RALGAPA1: variants seen among roughly 807,000 people sequenced by gnomAD.
The protein encoded by RALGAPA1 is Ral GTPase activating protein catalytic subunit alpha 1.
A neutral mutation model predicts 269.6 loss-of-function variants in RALGAPA1; 52 were observed. That is an observed-to-expected ratio of 0.19 (90% CI 0.15 to 0.24). The LOEUF is 0.24. RALGAPA1 is among the 10% of genes least tolerant of loss of function. The probability of loss-of-function intolerance (pLI) is 1.00; values close to 1 mark genes in which losing one functional copy is unlikely to be tolerated. For missense variants in RALGAPA1, 1,917 were observed against 3,013.9 expected, an observed-to-expected ratio of 0.64 and a Z score of 8.52; for synonymous variants, 817 against 1,008.3, an observed-to-expected ratio of 0.81 and a Z score of 3.60.
At chr14:35,600,271 C>A (rs1239594708) in intron 36 of RALGAPA1, among the ~76,000 whole-genome samples, 13 of 127,476 alleles carry the variant, frequency 1.0e-4, no homozygotes, top group African/African-American at 4.0e-4. Context: ...TGCTCTATCA[C>A]CCAGGCTGGA....
chr14:35,567,651 GA>G (rs906666899), intron 39 of RALGAPA1, among the ~76,000 whole-genome samples: 3 of 151,168 alleles, frequency 2.0e-5, no homozygotes, highest in African/African-American at 4.9e-5. Context: ...CAGGGATGTA[GA>G]AAAAAAAATT....
intron 41 of RALGAPA1, among the ~76,000 whole-genome samples, chr14:35,545,116 C>G (rs1177214965): frequency 6.6e-6 from 1 of 152,060 alleles, no homozygotes; most frequent in Non-Finnish European, 1.5e-5. Flanking sequence ...CTTCTGTTGG[C>G]ACTTACTAAT....
intron 11 of RALGAPA1, among the ~76,000 whole-genome samples, chr14:35,741,521 T>C (rs2071553804): frequency 6.6e-6 from 1 of 152,096 alleles, no homozygotes; most frequent in African/African-American, 2.4e-5. Context: ...AGAACTGGCC[T>C]ATTCATCCAC....
intron 1 of RALGAPA1, among the ~76,000 whole-genome samples, chr14:35,790,415 C>T (rs538094884): frequency 6.6e-6 from 1 of 152,044 alleles, no homozygotes; most frequent in African/African-American, 2.4e-5. Flanking sequence ...AGGCCAAGCG[C>T]GGTAGCTCAG....
At chr14:35,667,910 C>A (rs2064081441) in intron 26 of RALGAPA1, among the ~76,000 whole-genome samples, 1 of 152,170 alleles carries the variant, frequency 6.6e-6, no homozygotes, top group African/African-American at 2.4e-5. Flanking sequence ...AACCTACATG[C>A]CCATCAACAA....
intron 37 of RALGAPA1, among the ~76,000 whole-genome samples, chr14:35,582,608 G>T (rs1021998164): frequency 6.6e-6 from 1 of 152,132 alleles, no homozygotes; most frequent in African/African-American, 2.4e-5. Context: ...AACTCCAGGA[G>T]AAACCAGTCT....
At chr14:35,558,547 G>A (rs1245830924) in intron 39 of RALGAPA1, among the ~76,000 whole-genome samples, 5 of 152,116 alleles carry the variant, frequency 3.3e-5, no homozygotes, top group African/African-American at 1.2e-4. Context: ...TGTTAATAAG[G>A]AATTACTACA....
At chr14:35,807,292 C>A (rs745540686) in intron 1 of RALGAPA1, among the ~76,000 whole-genome samples, 13 of 152,170 alleles carry the variant, frequency 8.5e-5, no homozygotes, top group Non-Finnish European at 1.5e-4. Context: ...TCGGCTAAAT[C>A]TTTATTTCAA....
chr14:35,805,552 G>T (rs1439306989), intron 1 of RALGAPA1, among the ~76,000 whole-genome samples: 3 of 151,772 alleles, frequency 2.0e-5, no homozygotes, highest in Non-Finnish European at 4.4e-5. Context: ...ACTAATCTAG[G>T]GTGACAGCAG....
At chr14:35,541,948 G>A in intron 41 of RALGAPA1, 1 of 960,352 alleles carries the variant, frequency 1.0e-6, no homozygotes. Context: ...TTTTTATTAT[G>A]AAATATAATT....
chr14:35,557,875 A>G (rs1422501674), intron 39 of RALGAPA1, among the ~76,000 whole-genome samples: 1 of 152,218 alleles, frequency 6.6e-6, no homozygotes, highest in Non-Finnish European at 1.5e-5. Context: ...TGCTGCATAA[A>G]TTATAATACT....
intron 6 of RALGAPA1, among the ~76,000 whole-genome samples, chr14:35,759,108 G>A (rs375148903): frequency 5.9e-5 from 9 of 152,128 alleles, no homozygotes; most frequent in South Asian, 2.1e-4. Flanking sequence ...AAAACAAAAC[G>A]CAACAAAACA....
At chr14:35,591,897 T>G (rs1281583739) in intron 37 of RALGAPA1, among the ~76,000 whole-genome samples, 1 of 152,182 alleles carries the variant, frequency 6.6e-6, no homozygotes, top group East Asian at 1.9e-4. Context: ...TGAGTTCTCA[T>G]GAGAGCTGAT....
intron 16 of RALGAPA1, among the ~76,000 whole-genome samples, 198 bp downstream of exon 16, chr14:35,721,490 A>G (rs1595312765): frequency 6.6e-6 from 1 of 152,338 alleles, no homozygotes; most frequent in East Asian, 1.9e-4. Flanking sequence ...AATAATGTCC[A>G]ATAAATCTTA....
chr14:35,626,788 A>C (rs1028999104), intron 34 of RALGAPA1, among the ~76,000 whole-genome samples: 1 of 151,822 alleles, frequency 6.6e-6, no homozygotes, highest in Admixed American at 6.6e-5. Context: ...AAATAATCAT[A>C]TTGCAGTTTC....
chr14:35,734,367 A>G (rs903216431), intron 12 of RALGAPA1, among the ~76,000 whole-genome samples: 2 of 152,224 alleles, frequency 1.3e-5, no homozygotes, highest in Admixed American at 1.3e-4. Flanking sequence ...ACAGAGACCA[A>G]TGAAACAGAA....
At chr14:35,692,028 ACT>A (rs1348529611) in intron 17 of RALGAPA1, among the ~76,000 whole-genome samples, 1 of 152,098 alleles carries the variant, frequency 6.6e-6, no homozygotes, top group Non-Finnish European at 1.5e-5. Context: ...CAGATAACTA[ACT>A]CATATCTGTG....
chr14:35,727,969 C>T (rs566556927), intron 13 of RALGAPA1, among the ~76,000 whole-genome samples: 9 of 152,290 alleles, frequency 5.9e-5, no homozygotes, highest in East Asian at 3.9e-4. Flanking sequence ...CAGGGCCTGA[C>T]GGTATACAGC....
At chr14:35,794,442 A>AT (rs1373833973) in intron 1 of RALGAPA1, among the ~76,000 whole-genome samples, 11 of 151,508 alleles carry the variant, frequency 7.3e-5, no homozygotes, top group Admixed American at 1.3e-4. Context: ...AATCCATACT[A>AT]TTTTTTTTGT....
Sources: gnomAD v4.1 joint callset for allele counts (sites outside exome capture counted in the v4.1 genomes callset) on GRCh38, gnomAD v4.1.1 for gene constraint, MANE v1.5 for transcripts, NCBI Gene and HGNC (gene_info 2026-07-23, HGNC 2026-07-21) for gene names.